Variants in PWWP2A observed in about 807,000 individuals in gnomAD.
PWWP2A encodes PWWP domain containing 2A, also known as PWWP domain-containing protein 2A.
Under a neutral mutation model 48.5 loss-of-function variants are expected in PWWP2A, and 18 were observed. The observed-to-expected ratio is 0.37, with a 90% CI of 0.26 to 0.55. The LOEUF is 0.55. PWWP2A is among the 20% of genes least tolerant of loss of function. PWWP2A has a pLI of 0.81. For synonymous variants in PWWP2A, 396 were observed against 387.7 expected (o/e 1.02, Z -0.25); for missense variants, 867 against 976.4 (o/e 0.89, Z 1.49).
Position 160,116,620 on chromosome 5 carries a change from G to T in PWWP2A, c.584+2185C>A, listed in dbSNP as rs1758172340. ...AACTCAATAGCAATTCTCCACTAAA[G>T]AAAATTTTTTAAAAATAAAGCACTA... On this transcript the variant is annotated intron_variant, in intron 1 of 1. Transcript: ENST00000307063. 11 of 979,066 alleles carry T rather than the reference G, an allele frequency of 1.1e-5. No homozygotes were observed. The South Asian group carries it at 4.7e-4, about 42-fold the overall frequency. 60.6% of individuals were successfully genotyped at this position (979,066 alleles called of 1,614,324 possible).
intron 1 of PWWP2A, among the ~76,000 whole-genome samples, chr5:160,114,352 C>T (rs577747595): frequency 2.0e-4 from 31 of 151,566 alleles, no homozygotes; most frequent in Non-Finnish European, 2.7e-4. Context: ...GCCAACATGG[C>T]GAAACTCCGT....
At chr5:160,074,946 A>T (rs916515167), downstream of PWWP2A, among the ~76,000 whole-genome samples, 3 of 24,482 alleles carry the variant, frequency 1.2e-4, no homozygotes, top group African/African-American at 3.8e-4. Context: ...TATTTAAATT[A>T]AAAAAAAAAA....
At chr5:160,073,204 G>A (rs1282490032), downstream of PWWP2A, among the ~76,000 whole-genome samples, 1 of 149,282 alleles carries the variant, frequency 6.7e-6, no homozygotes, top group Non-Finnish European at 1.5e-5. Context: ...TTAGACTAAG[G>A]CAGGTTATTA....
chr5:160,085,696 G>A (rs753911245), intron 2 of PWWP2A, among the ~76,000 whole-genome samples: 5 of 151,802 alleles, frequency 3.3e-5, no homozygotes, highest in Non-Finnish European at 5.9e-5. Context: ...TAATAGAGAC[G>A]GGGTTTCACC....
At chr5:160,057,641 A>G (rs1280640881), downstream of PWWP2A, among the ~76,000 whole-genome samples, 4 of 152,082 alleles carry the variant, frequency 2.6e-5, no homozygotes, top group Non-Finnish European at 5.9e-5. The surrounding 1 kb of genome is among the most constrained non-coding windows in gnomAD (Gnocchi z 4.4). Context: ...TTCATGAAAG[A>G]TTTCTCAGTA....
At chr5:160,050,531 A>C in the PWWP2A span, among the ~76,000 whole-genome samples, 1 of 152,120 alleles carries the variant, frequency 6.6e-6, no homozygotes, top group East Asian at 1.9e-4. Flanking sequence ...TATCCTTTCA[A>C]ACTTTTTTCT....
chr5:160,093,981 A>G lies in PWWP2A; in HGVS notation c.669T>C (p.Asn223=). The change falls in exon 2 of 2, where the codon AAT becomes AAC. Residue 223 remains asparagine, a synonymous_variant. Coordinates refer to ENST00000307063, the MANE Select transcript of PWWP2A (RefSeq NM_001130864.2). This position sits in a 1 kb window ranked among gnomAD's most constrained non-coding sequence, Gnocchi z 5.8. The part of the protein sequence containing the change: ...DKPEAMPLQS[N]TFQEGTEVKC... ...TGACTTCTGTCCCTTCTTGGAATGT[A>G]TTACTTTGGAGCGGCATGGCTTCTG... is the stretch of plus-strand genomic sequence containing the variant. The G allele has an allele frequency of 5.0e-6, 8 of 1,613,990 alleles. No homozygotes were observed. Among genetic ancestry groups the G allele is most frequent in the Non-Finnish European group, 6.8e-6 (8 of 1,179,876 alleles).
At chr5:160,048,308 C>T in the PWWP2A span, among the ~76,000 whole-genome samples, 2 of 151,924 alleles carry the variant, frequency 1.3e-5, no homozygotes, top group South Asian at 2.1e-4. Flanking sequence ...CACACTGCCA[C>T]GCCCAGCTAA....
At chr5:160,060,946 G>A (rs7704770), downstream of PWWP2A, among the ~76,000 whole-genome samples, 91,684 of 152,164 alleles carry the variant, frequency 0.6, 27,618 homozygotes, top group East Asian at 0.62. Context: ...CCCACAATGT[G>A]GGACTAACTT....
intron 1 of PWWP2A, among the ~76,000 whole-genome samples, chr5:160,117,261 A>G (rs1407475766): frequency 6.6e-6 from 1 of 152,182 alleles, no homozygotes; most frequent in Non-Finnish European, 1.5e-5. Flanking sequence ...GGAGTCTGAG[A>G]CCAGCCTAGG....
chr5:160,045,202 T>G, the PWWP2A span, among the ~76,000 whole-genome samples: 4 of 152,152 alleles, frequency 2.6e-5, no homozygotes, highest in African/African-American at 9.7e-5. Flanking sequence ...TAAGAAATAG[T>G]TCATTTCCAT....
chr5:160,053,118 C>T, the PWWP2A span, among the ~76,000 whole-genome samples: 1 of 152,014 alleles, frequency 6.6e-6, no homozygotes, highest in East Asian at 1.9e-4. Flanking sequence ...CTCCTTGTTG[C>T]TGATGAGGTA....
chr5:160,105,572 A>T (rs368600399), intron 1 of PWWP2A: 44 of 484,704 alleles, frequency 9.1e-5, no homozygotes, highest in African/African-American at 8.6e-4. Flanking sequence ...AAAAAAGAAC[A>T]AAAATGGAAA....
chr5:160,065,206 T>C lies in PWWP2A; in HGVS notation c.*236+1342A>G, dbSNP rs1163735643. ...TATCCAGTAGAGCCCAGTGCTCCCT[T>C]GTCCCTCTTTTATGATCAGGGTGAA... On this transcript the variant is annotated intron_variant and NMD_transcript_variant, in intron 4 of 5. Transcript: ENST00000524050. 5.2e-6 allele frequency: 6 copies of C among 1,160,016 alleles called. No homozygotes were observed. In the Admixed American group the frequency reaches 5.9e-5, roughly 11 times the overall value. The allele number at this position is 1,160,016 out of a possible 1,614,324, so 71.9% of individuals were successfully genotyped here. A position where few individuals can be genotyped will look rare whatever the true frequency, so the allele number is the denominator to read the frequency against.
At chr5:160,088,325 CG>C (rs1754804087), downstream of PWWP2A, among the ~76,000 whole-genome samples, 1 of 152,090 alleles carries the variant, frequency 6.6e-6, no homozygotes, top group Admixed American at 6.6e-5. Flanking sequence ...CTCAGCCTCT[CG>C]AGTTCAAGCA....
At chr5:160,080,518 C>G (rs1754154088) in intron 3 of PWWP2A, 1 of 864,854 alleles carries the variant, frequency 1.2e-6, no homozygotes. Flanking sequence ...GCACACCCGG[C>G]TACCAAAGTC....
chr5:160,075,340 G>A (rs952412351), downstream of PWWP2A, among the ~76,000 whole-genome samples: 1 of 152,144 alleles, frequency 6.6e-6, no homozygotes, highest in Non-Finnish European at 1.5e-5. Flanking sequence ...GCAGCCAAAG[G>A]ATTGCTTTTC....
chr5:160,051,245 C>A, the PWWP2A span: 1 of 1,356,878 alleles, frequency 7.4e-7, no homozygotes, highest in Non-Finnish European at 1.0e-6. Context: ...GGGGACATAG[C>A]GAATACTAGA....
At chr5:160,045,302 A>C in the PWWP2A span, among the ~76,000 whole-genome samples, 2 of 152,048 alleles carry the variant, frequency 1.3e-5, no homozygotes, top group Non-Finnish European at 2.9e-5. Flanking sequence ...TTCCAACCAA[A>C]GTGTTTTCCG....
Sources: gnomAD v4.1 joint callset for allele counts (sites outside exome capture counted in the v4.1 genomes callset) on GRCh38, gnomAD v4.1.1 for gene constraint, Gnocchi (gnomAD v3.1) non-coding constraint, MANE v1.5 for transcripts, NCBI Gene and HGNC (gene_info 2026-07-23, HGNC 2026-07-21) for gene names.